The following HMGCLL1 variants were observed in gnomAD, a reference collection of about 807,000 sequenced individuals.
HMGCLL1 encodes the protein 3-hydroxy-3-methylglutaryl-CoA lyase like 1.
In HMGCLL1, 36 loss-of-function variants were observed where a neutral mutation model predicts 39.1. The observed-to-expected ratio is 0.92, with a 90% CI of 0.71 to 1.22. The LOEUF is 1.22. Ranked by LOEUF, HMGCLL1 falls within the 50% of genes most tolerant of loss-of-function variation. HMGCLL1 has a pLI of 0.00. For missense variants in HMGCLL1, 451 were observed against 416.5 expected (o/e 1.08, Z -0.72); for synonymous variants, 149 against 144.0 (o/e 1.03, Z -0.25).
chr6:55,527,510 G>A (rs1768385139), intron 3 of HMGCLL1, among the ~76,000 whole-genome samples: 1 of 152,014 alleles, frequency 6.6e-6, no homozygotes, highest in Non-Finnish European at 1.5e-5. Flanking sequence ...TTTATTCAGA[G>A]ATGAATCCCC....
In HMGCLL1 at chr6:55,576,766, G is replaced by T. The variant is rs147030445; in HGVS notation, c.108+2182C>A. ...GAAATGAAAGAAGATAGTTTCTGGT[G>T]TATGGCTCATAGAACTGAATAAATT... is the stretch of plus-strand genomic sequence containing the variant. On this transcript the variant is annotated intron_variant, in intron 1 of 8. Coordinates refer to ENST00000274901, the MANE Select transcript of HMGCLL1 (RefSeq NM_001042406.2). Among the ~76,000 whole-genome samples, 579 of 152,292 alleles carry T rather than the reference G, an allele frequency of 3.8e-3. 2 individuals are homozygous for T. The highest frequency in any genetic ancestry group is 6.0e-3 in the Non-Finnish European group (411 of 68,024).
the HMGCLL1 span, among the ~76,000 whole-genome samples, chr6:55,594,217 C>T: frequency 2.0e-5 from 3 of 152,068 alleles, no homozygotes; most frequent in Non-Finnish European, 4.4e-5. Flanking sequence ...ATTCCTTAAA[C>T]AGTTGATTTA....
the HMGCLL1 span, among the ~76,000 whole-genome samples, chr6:55,661,563 T>G: frequency 6.6e-6 from 1 of 152,128 alleles, no homozygotes; most frequent in African/African-American, 2.4e-5. Context: ...TCTGTTTCAT[T>G]GGTATGTGTA....
the HMGCLL1 span, among the ~76,000 whole-genome samples, chr6:55,612,749 T>A: frequency 2.0e-5 from 3 of 152,204 alleles, no homozygotes; most frequent in African/African-American, 7.2e-5. Flanking sequence ...GCTAGCCATA[T>A]GCAGAAAACT....
chr6:55,549,010 C>T (rs1347609567), intron 1 of HMGCLL1, among the ~76,000 whole-genome samples: 1 of 151,394 alleles, frequency 6.6e-6, no homozygotes, highest in East Asian at 1.9e-4. Flanking sequence ...CATGATAATG[C>T]TTCTTTAAAT....
At chr6:55,512,193 C>T (rs1235305526) in intron 5 of HMGCLL1, 1 of 152,076 alleles carries the variant, frequency 6.6e-6, no homozygotes, top group Non-Finnish European at 1.5e-5. Context: ...TCTTTCAACA[C>T]TAAAAAAACC....
intron 3 of HMGCLL1, among the ~76,000 whole-genome samples, chr6:55,540,450 G>A (rs2127455921): frequency 6.6e-6 from 1 of 152,222 alleles, no homozygotes; most frequent in Non-Finnish European, 1.5e-5. Flanking sequence ...AGAGACATGA[G>A]TGTGCTCCCT....
chr6:55,495,151 A>T (rs964124981), intron 7 of HMGCLL1, among the ~76,000 whole-genome samples: 1 of 152,212 alleles, frequency 6.6e-6, no homozygotes, highest in African/African-American at 2.4e-5. Context: ...AAACAAGCAG[A>T]CATAACTCTG....
At chr6:55,549,176 G>A (rs1770170488) in intron 1 of HMGCLL1, among the ~76,000 whole-genome samples, 1 of 151,708 alleles carries the variant, frequency 6.6e-6, no homozygotes, top group African/African-American at 2.4e-5. Flanking sequence ...TATATTGAAG[G>A]TTAAGATAGT....
chr6:55,580,406 C>CTTTTTTTTTTTT (rs145371462), upstream of HMGCLL1, among the ~76,000 whole-genome samples: 542 of 73,242 alleles, frequency 7.4e-3, 15 homozygotes, highest in Middle Eastern at 0.014. Context: ...TTTTTTCTTT[C>CTTTTTTTTTTTT]TTTTTTTTTT....
At chr6:55,464,878 T>C (rs1764732874) in intron 7 of HMGCLL1, among the ~76,000 whole-genome samples, 1 of 152,208 alleles carries the variant, frequency 6.6e-6, no homozygotes, top group South Asian at 2.1e-4. Context: ...AAATGTGTCT[T>C]GTTTACTCTG....
At chr6:55,622,615 AG>A in the HMGCLL1 span, among the ~76,000 whole-genome samples, 1 of 152,032 alleles carries the variant, frequency 6.6e-6, no homozygotes. Context: ...AATCCCATTA[AG>A]TCATGATGAG....
At chr6:55,580,086 CAGCCCTGGTGGCTGATG>C (rs1771946874), upstream of HMGCLL1, among the ~76,000 whole-genome samples, 1 of 152,144 alleles carries the variant, frequency 6.6e-6, no homozygotes, top group Admixed American at 6.5e-5. Context: ...GAATACGCAT[CAGCCCTGGTGGCTGATG>C]GAGCAAATGT....
chr6:55,555,433 C>T (rs948058539), intron 1 of HMGCLL1, among the ~76,000 whole-genome samples: 10 of 152,324 alleles, frequency 6.6e-5, no homozygotes, highest in Admixed American at 2.0e-4. Flanking sequence ...TCATCATCAG[C>T]ATGTTATATA....
intron 1 of HMGCLL1, among the ~76,000 whole-genome samples, chr6:55,572,006 T>C (rs916285808): frequency 2.1e-5 from 3 of 143,430 alleles, no homozygotes; most frequent in Admixed American, 6.9e-5. Context: ...TTAAAGAAAA[T>C]TAAAATGCTA....
intron 3 of HMGCLL1, among the ~76,000 whole-genome samples, chr6:55,539,217 G>A (rs996315487): frequency 5.3e-5 from 8 of 152,138 alleles, no homozygotes; most frequent in Non-Finnish European, 1.2e-4. Context: ...AGACAGTCTT[G>A]AATACCAAAC....
chr6:55,584,699 G>T, the HMGCLL1 span, among the ~76,000 whole-genome samples: 1 of 152,030 alleles, frequency 6.6e-6, no homozygotes, highest in African/African-American at 2.4e-5. Context: ...CCCAGAGATG[G>T]CTATTTGAAA....
rs543615602 is a variant in HMGCLL1 at position 55,505,504 on chromosome 6, C to G, written c.543-6205G>C. Among the ~76,000 whole-genome samples the G allele has an allele frequency of 2.6e-5, 4 of 151,620 alleles. No homozygotes were observed. The South Asian group carries it at 8.3e-4, about 31-fold the overall frequency. On this transcript the variant is annotated intron_variant, in intron 5 of 8. Coordinates refer to ENST00000274901, the MANE Select transcript of HMGCLL1 (RefSeq NM_001042406.2). Reference sequence around the variant, plus strand: ...TGAATGAACAATATATTTTGAGAGCCTGTAATGCATTTATTATTGTGGATA... The same window carrying G: ...TGAATGAACAATATATTTTGAGAGCGTGTAATGCATTTATTATTGTGGATA...
At chr6:55,529,709 G>A (rs1392258051) in intron 3 of HMGCLL1, among the ~76,000 whole-genome samples, 4 of 152,136 alleles carry the variant, frequency 2.6e-5, no homozygotes, top group East Asian at 3.9e-4. Flanking sequence ...ATTTTAAAAC[G>A]CCATTTGTAT....
Sources: gnomAD v4.1 joint callset for allele counts (sites outside exome capture counted in the v4.1 genomes callset) on GRCh38, gnomAD v4.1.1 for gene constraint, MANE v1.5 for transcripts, NCBI Gene and HGNC (gene_info 2026-07-23, HGNC 2026-07-21) for gene names.